Variants in DOP1A observed in about 807,000 individuals in gnomAD.
DOP1A encodes protein DOP1A.
Under a neutral mutation model 267.6 loss-of-function variants are expected in DOP1A, and 90 were observed. The ratio of observed to expected loss-of-function variants is 0.34; its 90% confidence interval spans 0.28 to 0.40. DOP1A has a LOEUF of 0.40. Ranked by LOEUF, DOP1A falls within the 10% of genes least tolerant of loss-of-function variation. The probability of loss-of-function intolerance (pLI) is 1.00; values close to 1 mark genes in which losing one functional copy is unlikely to be tolerated. For missense variants in DOP1A, 2,437 were observed against 2,900.4 expected (o/e 0.84, Z 3.67); for synonymous variants, 932 against 999.1 (o/e 0.93, Z 1.27).
Position 83,119,873 on chromosome 6 carries a change from A to G in DOP1A, c.990+16A>G. On this transcript the variant is annotated intron_variant, in intron 9 of 38. Coordinates refer to ENST00000349129, the MANE Select transcript of DOP1A (RefSeq NM_015018.4). ...ATTAGTCCAGGTAATGAATACTTTT[A>G]TTATTCTTTGGTTACTTACTGACCA... The G allele has an allele frequency of 1.3e-6, 2 of 1,595,172 alleles. No homozygotes were observed. The highest frequency in any genetic ancestry group is 1.7e-6 in the Non-Finnish European group (2 of 1,163,942).
At chr6:83,140,612 T>A (rs1216246662) in intron 23 of DOP1A, among the ~76,000 whole-genome samples, 1 of 152,202 alleles carries the variant, frequency 6.6e-6, no homozygotes, top group Non-Finnish European at 1.5e-5. Flanking sequence ...TTAGTAAATT[T>A]ACAGAGTTGT....
In DOP1A at chr6:83,085,952, C is replaced by T. The variant is rs143007737; in HGVS notation, c.-146-10779C>T. ...TTATGCAGACTCTCAAGAATAGAAG[C>T]AGGAATCAGTGGTGTGCTGGAGTGG... On this transcript the variant is annotated intron_variant, in intron 1 of 38. Coordinates refer to ENST00000349129, the MANE Select transcript of DOP1A (RefSeq NM_015018.4). 2.6e-3 allele frequency among the ~76,000 whole-genome samples: 395 copies of T among 152,036 alleles called. 2 individuals carry two copies. Among genetic ancestry groups the T allele is most frequent in the African/African-American group, 8.6e-3 (357 of 41,458 alleles).
chr6:83,138,968 T>G lies in DOP1A; in HGVS notation c.4926T>G (p.Cys1642Trp), dbSNP rs1416326402. 4 of 1,613,990 alleles carry G rather than the reference T, an allele frequency of 2.5e-6. No individual in the cohort carries two copies. Among genetic ancestry groups the G allele is most frequent in the African/African-American group, 1.3e-5 (1 of 74,924 alleles). Residue 1642 changes from cysteine (C) to tryptophan (W), a missense_variant, in exon 21 of 39, where the codon TGT (cysteine) becomes TGG (tryptophan). Around this residue, in one of 9 missense-constraint regions of DOP1A, gnomAD observed 307 missense variants for 308.6 expected, o/e 0.99. Transcript: ENST00000349129. Reference sequence around the variant, plus strand: ...TCACATGTCAAGGCATGTTCCTCTGTGCAGTGATACGAGCTTTGCATCAGC... The same window carrying G: ...TCACATGTCAAGGCATGTTCCTCTGGGCAGTGATACGAGCTTTGCATCAGC... ...QPITCQGMFL[C>W]AVIRALHQHC...
intron 30 of DOP1A, among the ~76,000 whole-genome samples, chr6:83,153,150 GTTTGT>G (rs1176530579): frequency 7.7e-6 from 1 of 129,900 alleles, no homozygotes; most frequent in Non-Finnish European, 1.6e-5. Context: ...CAGTTCAATT[GTTTGT>G]TTTTTTTTCC....
At chr6:83,117,286 G>T (rs1775616475) in intron 7 of DOP1A, among the ~76,000 whole-genome samples, 1 of 151,706 alleles carries the variant, frequency 6.6e-6, no homozygotes, top group Non-Finnish European at 1.5e-5. Flanking sequence ...GAGTAGCTGG[G>T]ACTACAGGCG....
intron 1 of DOP1A, among the ~76,000 whole-genome samples, chr6:83,087,565 A>G (rs992858692): frequency 2.0e-5 from 3 of 152,206 alleles, no homozygotes; most frequent in African/African-American, 7.2e-5. Context: ...AATGACTAGG[A>G]GTTAGGACTC....
At chr6:83,120,426 A>T (rs561263720) in intron 9 of DOP1A, among the ~76,000 whole-genome samples, 7 of 151,966 alleles carry the variant, frequency 4.6e-5, no homozygotes, top group Non-Finnish European at 8.9e-5. Context: ...CACTCAGCTC[A>T]TGAATATATT....
At chr6:83,099,834 A>T (rs1772244800) in intron 3 of DOP1A, among the ~76,000 whole-genome samples, 1 of 152,012 alleles carries the variant, frequency 6.6e-6, no homozygotes, top group Non-Finnish European at 1.5e-5. Context: ...ATGGCAAAAA[A>T]ACACAATTAC....
At position 83,118,976 on chromosome 6, in the gene DOP1A, C is replaced by T; in HGVS notation, c.869C>T (p.Ala290Val). The change falls in exon 8 of 39, where the codon GCA becomes GTA. Residue 290 changes from alanine (A) to valine (V), a missense_variant. Ala to Val is a moderately conservative substitution (Grantham distance 64). Around this residue, in one of 9 missense-constraint regions of DOP1A, gnomAD observed 251 missense variants for 359.1 expected, o/e 0.70. Coordinates refer to ENST00000349129, the MANE Select transcript of DOP1A (RefSeq NM_015018.4). Reference protein sequence around the residue: ...RDMSLNRRLYAWLLGFDNNGA... With the variant: ...RDMSLNRRLYVWLLGFDNNGA... ...ATGTCTCTGAATCGAAGACTTTATG[C>T]ATGGCTTCTTGGTAGGTATTTGATG... 1.2e-6 allele frequency: 2 copies of T among 1,613,340 alleles called. No individual in the cohort carries two copies. Among genetic ancestry groups the T allele is most frequent in the Non-Finnish European group, 1.7e-6 (2 of 1,179,488 alleles).
In DOP1A at chr6:83,157,303, C is replaced by T. The variant is rs1437702144; in HGVS notation, c.6726C>T (p.Thr2242=). 6.2e-7 allele frequency: 1 copy of T among 1,613,408 alleles called. No homozygotes were observed. Among genetic ancestry groups the T allele is most frequent in the Admixed American group, 1.7e-5 (1 of 59,922 alleles). Residue 2242 remains threonine (T), a synonymous_variant, in exon 35 of 39, where the codon ACC becomes ACT. Transcript: ENST00000349129. The part of the protein sequence containing the change: ...SPQHLTSLWP[T]MITELVQVFL... Reference sequence around the variant, plus strand: ...AACATCTTACCTCACTCTGGCCTACCATGATTACAGAACTTGTGAGTTAAT... The same window carrying T: ...AACATCTTACCTCACTCTGGCCTACTATGATTACAGAACTTGTGAGTTAAT...
In DOP1A at chr6:83,118,194, T is replaced by A. The variant is rs141063344; in HGVS notation, c.781-694T>A. On this transcript the variant is annotated intron_variant, in intron 7 of 38. Transcript: ENST00000349129. ...ATATTGTAAAGTGATTATCTGGCAG[T>A]ATTCTTAAAATTAATAGCAAGTTAG... 5.3e-3 allele frequency among the ~76,000 whole-genome samples: 813 copies of A among 152,320 alleles called. 31 individuals carry two copies. The highest frequency in any genetic ancestry group is 0.046 in the Admixed American group (700 of 15,298).
At chr6:83,127,266 G>A (rs1777336874) in intron 15 of DOP1A, among the ~76,000 whole-genome samples, 1 of 152,090 alleles carries the variant, frequency 6.6e-6, no homozygotes, top group Non-Finnish European at 1.5e-5. Flanking sequence ...GAACAGTTTA[G>A]CTTTAAACTA....
At chr6:83,096,664 A>G (rs1331012427) in intron 1 of DOP1A, 67 bp from the exon 2 acceptor site, 3 of 411,974 alleles carry the variant, frequency 7.3e-6, no homozygotes, top group African/African-American at 2.0e-5. Context: ...CTAAATTGAA[A>G]TAAGTATAAG....
chr6:83,145,181 GTATATATATAA>G (rs1454803635), intron 24 of DOP1A, among the ~76,000 whole-genome samples: 3 of 50,068 alleles, frequency 6.0e-5, no homozygotes, highest in African/African-American at 4.1e-4. Flanking sequence ...ATATTTAAAA[GTATATATATAA>G]TATATATATA....
rs1777615038 is a variant in DOP1A at position 83,128,930 on chromosome 6, A to T, written c.1763A>T (p.Asp588Val). 4.5e-6 allele frequency: 7 copies of T among 1,554,358 alleles called. No homozygotes were observed. The highest frequency in any genetic ancestry group is 6.1e-6 in the Non-Finnish European group (7 of 1,150,754). The change falls in exon 16 of 39, where the codon GAT becomes GTT. Residue 588 changes from aspartate (D) to valine (V), a missense_variant. Around this residue, in one of 9 missense-constraint regions of DOP1A, gnomAD observed 498 missense variants for 513.5 expected, o/e 0.97. Coordinates refer to ENST00000349129, the MANE Select transcript of DOP1A (RefSeq NM_015018.4). ...GAAAATCCTACTGAAGTGTTTGAAGATGGAGAAAATCCACCAAGTAGTCGA... is the reference window on the plus strand; with the variant it reads ...GAAAATCCTACTGAAGTGTTTGAAGTTGGAGAAAATCCACCAAGTAGTCGA... ...SHENPTEVFE[D>V]GENPPSSRSS...
intron 24 of DOP1A, among the ~76,000 whole-genome samples, chr6:83,144,672 T>C (rs1306490073): frequency 6.6e-6 from 1 of 152,068 alleles, no homozygotes; most frequent in Non-Finnish European, 1.5e-5. Context: ...CATCTTTGTC[T>C]TCCAAAATAA....
Position 83,167,924 on chromosome 6 carries a change from C to T in DOP1A, c.7155C>T (p.Leu2385=), listed in dbSNP as rs764594792. 1 of 1,613,862 alleles carries T rather than the reference C, an allele frequency of 6.2e-7. No individual in the cohort carries two copies. The highest frequency in any genetic ancestry group is 8.5e-7 in the Non-Finnish European group (1 of 1,179,910). Residue 2385 remains leucine, a synonymous_variant, in exon 39 of 39, where the codon CTC becomes CTT. Transcript: ENST00000349129. Reference sequence around the variant, plus strand: ...GTTGGGAGCCAGGGCACTTGCTGCTCACCATCTGCACCGTGCGCAGTATGG... The same window carrying T: ...GTTGGGAGCCAGGGCACTTGCTGCTTACCATCTGCACCGTGCGCAGTATGG... ...TLGWEPGHLL[L]TICTVRSMEQ...
chr6:83,146,008 G>A (rs1240235543), intron 25 of DOP1A, among the ~76,000 whole-genome samples: 4 of 152,140 alleles, frequency 2.6e-5, no homozygotes, highest in African/African-American at 4.8e-5. Context: ...ATTTTTCATA[G>A]CTTCTTTATT....
In DOP1A at chr6:83,137,788, A is replaced by G. The variant is rs758632609; in HGVS notation, c.3746A>G (p.His1249Arg). 3.7e-6 allele frequency: 6 copies of G among 1,613,920 alleles called. No individual in the cohort carries two copies. The South Asian group carries it at 4.4e-5, about 12-fold the overall frequency. ...ATTTCAGGAACCACACACACTCTTCATGACTCTTCTGTTGCTTCCATAGAA... is the reference window on the plus strand; with the variant it reads ...ATTTCAGGAACCACACACACTCTTCGTGACTCTTCTGTTGCTTCCATAGAA... ...PCISGTTHTL[H>R]DSSVASIETK... The change falls in exon 21 of 39, where the codon CAT (histidine) becomes CGT (arginine). Residue 1249 changes from histidine (H) to arginine (R), a missense_variant. Around this residue, in one of 9 missense-constraint regions of DOP1A, gnomAD observed 878 missense variants for 992.9 expected, o/e 0.88. Coordinates refer to ENST00000349129, the MANE Select transcript of DOP1A (RefSeq NM_015018.4).
Sources: allele counts gnomAD v4.1 joint callset (sites outside exome capture counted in the v4.1 genomes callset), GRCh38; gene constraint gnomAD v4.1.1; regional missense constraint gnomAD v4.1.1; transcripts MANE v1.5; gene names NCBI Gene and HGNC (gene_info 2026-07-23, HGNC 2026-07-21).